Variants in TGFA observed in about 807,000 individuals in gnomAD.
TGFA encodes the protein transforming growth factor alpha.
TGFA carries 12 observed loss-of-function variants against 21.7 expected under a neutral mutation model. That is an observed-to-expected ratio of 0.55 (90% CI 0.35 to 0.90). The LOEUF (loss-of-function observed/expected upper bound fraction) is 0.90. TGFA is among the 40% of genes least tolerant of loss of function. TGFA has a pLI of 0.01. For missense variants in TGFA, 178 were observed against 210.8 expected, an observed-to-expected ratio of 0.84 and a Z score of 0.96; for synonymous variants, 79 against 88.1, an observed-to-expected ratio of 0.90 and a Z score of 0.58.
chr2:70,482,737 T>TGAA (rs1553495926), intron 2 of TGFA, among the ~76,000 whole-genome samples: 3 of 152,204 alleles, frequency 2.0e-5, no homozygotes, highest in African/African-American at 7.2e-5. Flanking sequence ...CTCTTGAGTC[T>TGAA]TTATTCTATC....
intron 2 of TGFA, among the ~76,000 whole-genome samples, chr2:70,485,457 C>T (rs987176120): frequency 7.9e-5 from 12 of 152,160 alleles, no homozygotes; most frequent in African/African-American, 2.4e-4. Context: ...AGGCTGGTCT[C>T]GAACTCCTGA....
At chr2:70,536,461 C>A (rs982065550) in intron 1 of TGFA, among the ~76,000 whole-genome samples, 5 of 152,100 alleles carry the variant, frequency 3.3e-5, no homozygotes, top group Admixed American at 3.3e-4. Flanking sequence ...ATAAAATATA[C>A]CTTAACACAT....
rs376988843 is a variant in TGFA at position 70,504,473 on chromosome 2, C to CATATATATAT, written c.94+10385_94+10386insATATATATAT. ...ATATATATATATATATACACACATA[C>CATATATATAT]ATACATACATACACACACACACACA... On this transcript the variant is annotated intron_variant, in intron 2 of 5. Coordinates refer to ENST00000295400, the MANE Select transcript of TGFA (RefSeq NM_003236.4). 7.6e-5 allele frequency among the ~76,000 whole-genome samples: 6 copies of CATATATATAT among 78,814 alleles called. No individual in the cohort carries two copies. The East Asian group carries it at 2.2e-3, about 28-fold the overall frequency. 51.7% of individuals were successfully genotyped at this position (78,814 alleles called of 152,430 possible).
At chr2:70,550,278 A>AT (rs577781426) in intron 1 of TGFA, among the ~76,000 whole-genome samples, 42 of 151,198 alleles carry the variant, frequency 2.8e-4, no homozygotes, top group East Asian at 1.2e-3. Context: ...TGCAGTCCTT[A>AT]TTTTTTTTTA....
At chr2:70,497,878 GTTACAGTT>G (rs1218869013) in intron 2 of TGFA, among the ~76,000 whole-genome samples, 1 of 152,194 alleles carries the variant, frequency 6.6e-6, no homozygotes, top group African/African-American at 2.4e-5. Flanking sequence ...CACAAAAGGT[GTTACAGTT>G]ATTTACTTGA....
At chr2:70,533,308 T>G (rs1553503966) in intron 1 of TGFA, among the ~76,000 whole-genome samples, 1 of 152,180 alleles carries the variant, frequency 6.6e-6, no homozygotes, top group East Asian at 1.9e-4. Context: ...TATAAAATGT[T>G]AAACCTTTTC....
chr2:70,518,271 C>G (rs1672347884), intron 1 of TGFA, among the ~76,000 whole-genome samples: 1 of 152,166 alleles, frequency 6.6e-6, no homozygotes, highest in Non-Finnish European at 1.5e-5. Context: ...GAGGGAAATC[C>G]CAAGACTGTG....
At chr2:70,541,329 T>C (rs1553505177) in intron 1 of TGFA, among the ~76,000 whole-genome samples, 1 of 152,244 alleles carries the variant, frequency 6.6e-6, no homozygotes, top group Non-Finnish European at 1.5e-5. Context: ...TTTCCCCATA[T>C]ACTGTAAGCG....
chr2:70,524,117 C>T (rs1672560289), intron 1 of TGFA, among the ~76,000 whole-genome samples: 1 of 152,224 alleles, frequency 6.6e-6, no homozygotes, highest in African/African-American at 2.4e-5. Context: ...CTGTATTCTC[C>T]CCAACATGTT....
At chr2:70,537,441 G>C (rs782395601) in intron 1 of TGFA, among the ~76,000 whole-genome samples, 5 of 152,182 alleles carry the variant, frequency 3.3e-5, no homozygotes, top group Non-Finnish European at 7.3e-5. Context: ...GCAGAAATAG[G>C]CCAAAAGCTA....
At chr2:70,489,203 C>A (rs1671353125) in intron 2 of TGFA, among the ~76,000 whole-genome samples, 1 of 152,212 alleles carries the variant, frequency 6.6e-6, no homozygotes, top group Non-Finnish European at 1.5e-5. Flanking sequence ...CAGGCAGAGG[C>A]TCCCTGGGCA....
chr2:70,451,838 C>G (rs1670069850), intron 5 of TGFA: 1 of 672,056 alleles, frequency 1.5e-6, no homozygotes, highest in Non-Finnish European at 2.7e-6. Flanking sequence ...CAGTGGGACC[C>G]AAGCAGGCTG....
intron 1 of TGFA, among the ~76,000 whole-genome samples, chr2:70,516,834 A>G (rs1672295474): frequency 6.6e-6 from 1 of 151,994 alleles, no homozygotes. Flanking sequence ...GATGCTTTGC[A>G]TACTCTGAGG....
Position 70,449,659 on chromosome 2 carries a change from T to C in TGFA, c.*1200A>G. On this transcript the variant is annotated 3_prime_UTR_variant, in exon 6 of 6. Coordinates refer to ENST00000295400, the MANE Select transcript of TGFA (RefSeq NM_003236.4). Reference sequence around the variant, plus strand: ...GAGGAAAAAAAAATTACTGGAATAGTTTTCCTAGTGCTCGAAAATAAATAG... The same window carrying C: ...GAGGAAAAAAAAATTACTGGAATAGCTTTCCTAGTGCTCGAAAATAAATAG... The C allele has an allele frequency of 4.4e-6, 1 of 226,362 alleles. No individual in the cohort carries two copies. The highest frequency in any genetic ancestry group is 5.0e-5 in the South Asian group (1 of 20,178). The allele number at this position is 226,362 out of a possible 1,614,324, so 14.0% of individuals were successfully genotyped here.
Position 70,458,543 on chromosome 2 carries a change from G to T in TGFA, c.216-2055C>A, listed in dbSNP as rs377528736. 5.3e-5 allele frequency among the ~76,000 whole-genome samples: 8 copies of T among 152,204 alleles called. No homozygotes were observed. The East Asian group carries it at 7.7e-4, about 15-fold the overall frequency. On this transcript the variant is annotated intron_variant, in intron 3 of 5. Transcript: ENST00000295400. ...CACACTGCACCTAGCACAGTTCCCAGCATGTGGGGACTCAGGACACACCTG... is the reference window on the plus strand; with the variant it reads ...CACACTGCACCTAGCACAGTTCCCATCATGTGGGGACTCAGGACACACCTG...
At chr2:70,496,818 T>C (rs1553498434) in intron 2 of TGFA, among the ~76,000 whole-genome samples, 1 of 152,118 alleles carries the variant, frequency 6.6e-6, no homozygotes, top group African/African-American at 2.4e-5. Flanking sequence ...ACAGACAAGG[T>C]CCCTGCCCTC....
At chr2:70,478,056 A>G (rs1670990141) in intron 2 of TGFA, among the ~76,000 whole-genome samples, 1 of 150,924 alleles carries the variant, frequency 6.6e-6, no homozygotes, top group African/African-American at 2.4e-5. Flanking sequence ...TCTGGCCCTG[A>G]TTGGGAGGCT....
chr2:70,453,223 T>C lies in TGFA; in HGVS notation c.470A>G (p.Glu157Gly). 6.2e-7 allele frequency: 1 copy of C among 1,613,758 alleles called. No homozygotes were observed. Among genetic ancestry groups the C allele is most frequent in the Non-Finnish European group, 8.5e-7 (1 of 1,179,666 alleles). ...CCAGAGAAGAGTCTCCTTACCTGTTTCTGAGTGGCAGCAAGCGGTTCTTCC... is the reference window on the plus strand; with the variant it reads ...CCAGAGAAGAGTCTCCTTACCTGTTCCTGAGTGGCAGCAAGCGGTTCTTCC... ...LKGRTACCHSETVV is the reference protein window; with the variant it reads ...LKGRTACCHSGTVV The change falls in exon 5 of 6, where the codon GAA (glutamate) becomes GGA (glycine). Residue 157 changes from glutamate to glycine, a missense_variant. Physicochemically the swap from Glu to Gly is moderately conservative, Grantham distance 98. Coordinates refer to ENST00000295400, the MANE Select transcript of TGFA (RefSeq NM_003236.4).
At chr2:70,519,091 C>T (rs1429819298) in intron 1 of TGFA, among the ~76,000 whole-genome samples, 1 of 152,148 alleles carries the variant, frequency 6.6e-6, no homozygotes, top group African/African-American at 2.4e-5. Flanking sequence ...ATGAAGAACA[C>T]GCTCAGGGCG....
Sources: gnomAD v4.1 joint callset for allele counts (sites outside exome capture counted in the v4.1 genomes callset) on GRCh38, gnomAD v4.1.1 for gene constraint, MANE v1.5 for transcripts, NCBI Gene and HGNC (gene_info 2026-07-23, HGNC 2026-07-21) for gene names.